Variants in CFAP43 observed in about 807,000 individuals in gnomAD.
CFAP43 encodes the protein cilia and flagella associated protein 43.
Under a neutral mutation model 218.9 loss-of-function variants are expected in CFAP43, and 155 were observed. The ratio of observed to expected loss-of-function variants is 0.71; its 90% CI spans 0.62 to 0.81. The LOEUF (loss-of-function observed/expected upper bound fraction) is 0.81. CFAP43 is among the 30% of genes least tolerant of loss of function. The probability of loss-of-function intolerance (pLI) is 0.00; values close to 1 mark genes in which losing one functional copy is unlikely to be tolerated. For missense variants in CFAP43, 1,778 were observed against 1,954.3 expected (o/e 0.91, Z 1.70); for synonymous variants, 645 against 681.3 (o/e 0.95, Z 0.83).
At position 104,230,611 on chromosome 10, in the gene CFAP43, T is replaced by C. The variant is rs748286733; in HGVS notation, c.298A>G (p.Thr100Ala). 6 of 1,613,986 alleles carry C rather than the reference T, an allele frequency of 3.7e-6. No homozygotes were observed. Among genetic ancestry groups the C allele is most frequent in the Non-Finnish European group, 4.2e-6 (5 of 1,180,016 alleles). Residue 100 changes from threonine (T) to alanine (A), a missense_variant, in exon 2 of 38, where the codon ACC becomes GCC. This residue lies in a region of CFAP43 where 1,553 missense variants were observed against 1,685.2 expected (regional missense o/e 0.92). Transcript: ENST00000357060. ...ATACCTTTCAATTTGGTCCTTCTGG[T>C]CAATCCTGGAAAGCTGTATACGTAG... ...LIYVYSFPGL[T>A]RRTKLKGNIL...
At chr10:104,182,216 A>T (rs2089869443) in intron 17 of CFAP43, 150 bp downstream of exon 17, 5 of 781,220 alleles carry the variant, frequency 6.4e-6, no homozygotes, top group Non-Finnish European at 9.5e-6. Flanking sequence ...TTTCTCTCAG[A>T]CGTAGCTTAT....
rs139630636 is a variant in CFAP43 at position 104,162,002 on chromosome 10, C to T, written c.3373G>A (p.Gly1125Arg). 3.1e-6 allele frequency: 5 copies of T among 1,613,820 alleles called. No individual in the cohort carries two copies. The highest frequency in any genetic ancestry group is 2.7e-5 in the African/African-American group (2 of 75,026). Residue 1125 changes from glycine to arginine, a missense_variant, in exon 26 of 38, where the codon GGA becomes AGA. Gly to Arg is a moderately radical substitution (Grantham distance 125). This residue lies in a region of CFAP43 where 1,553 missense variants were observed against 1,685.2 expected (regional missense o/e 0.92). Coordinates refer to ENST00000357060, the MANE Select transcript of CFAP43 (RefSeq NM_025145.7). ...TRLRALMDMM[G>R]GVLEVKKEDI... ...TCCTTCTTGACTTCCAGAACTCCTCCCATCATGTCCATCAGAGCTCGGAGT... is the reference window on the plus strand; with the variant it reads ...TCCTTCTTGACTTCCAGAACTCCTCTCATCATGTCCATCAGAGCTCGGAGT...
At chr10:104,169,170 C>T (rs566694369) in intron 20 of CFAP43, among the ~76,000 whole-genome samples, 3 of 152,260 alleles carry the variant, frequency 2.0e-5, no homozygotes, top group South Asian at 2.1e-4. Flanking sequence ...TGGTGAGCTG[C>T]GTAGCTAATG....
intron 10 of CFAP43, among the ~76,000 whole-genome samples, chr10:104,194,932 A>G (rs1160255190): frequency 2.0e-5 from 3 of 152,192 alleles, no homozygotes; most frequent in African/African-American, 4.8e-5. Flanking sequence ...CAGTCTCCCA[A>G]TTGAGTGGGC....
chr10:104,216,519 G>A (rs1307504923), intron 3 of CFAP43, among the ~76,000 whole-genome samples: 2 of 152,174 alleles, frequency 1.3e-5, no homozygotes, highest in African/African-American at 4.8e-5. Flanking sequence ...CTTCACTGGG[G>A]CTTCACTGGG....
intron 32 of CFAP43, 57 bp downstream of exon 32, chr10:104,143,369 A>G (rs2087797315): frequency 6.8e-7 from 1 of 1,466,750 alleles, no homozygotes; most frequent in Admixed American, 1.9e-5. Flanking sequence ...GACCAATGTA[A>G]ACTATGTATT....
chr10:104,132,059 T>C (rs1265092843), intron 36 of CFAP43, 57 bp downstream of exon 36: 4 of 1,328,634 alleles, frequency 3.0e-6, no homozygotes, highest in Non-Finnish European at 4.2e-6. Context: ...ACACTATTAC[T>C]TTGCTCAAAT....
chr10:104,208,556 T>C (rs1295723707), intron 5 of CFAP43, among the ~76,000 whole-genome samples: 1 of 152,122 alleles, frequency 6.6e-6, no homozygotes, highest in Non-Finnish European at 1.5e-5. Flanking sequence ...GAAACAATAG[T>C]TTATAATTCT....
intron 34 of CFAP43, among the ~76,000 whole-genome samples, chr10:104,139,676 T>C (rs763333226): frequency 1.3e-5 from 2 of 152,066 alleles, no homozygotes; most frequent in Non-Finnish European, 2.9e-5. Context: ...CTTTTTCAGA[T>C]AAAGAAAAAT....
chr10:104,226,939 A>G (rs1337673145), intron 2 of CFAP43, among the ~76,000 whole-genome samples: 2 of 151,916 alleles, frequency 1.3e-5, no homozygotes, highest in African/African-American at 4.8e-5. Context: ...AATCGCTTGA[A>G]CCTGGGAGGC....
intron 27 of CFAP43, among the ~76,000 whole-genome samples, chr10:104,155,484 G>A (rs1470196736): frequency 2.6e-5 from 4 of 152,066 alleles, no homozygotes; most frequent in South Asian, 2.1e-4. Context: ...ATTATCTTGC[G>A]AATGCACAGT....
intron 2 of CFAP43, among the ~76,000 whole-genome samples, chr10:104,227,565 T>A (rs1352402706): frequency 2.6e-5 from 4 of 152,242 alleles, no homozygotes; most frequent in Admixed American, 6.5e-5. Context: ...TGGAGTTTAG[T>A]GATTTGTCTG....
intron 19 of CFAP43, among the ~76,000 whole-genome samples, chr10:104,175,042 G>A (rs1303962260): frequency 2.0e-5 from 3 of 151,206 alleles, no homozygotes; most frequent in Admixed American, 6.6e-5. Flanking sequence ...GCGACAGAGC[G>A]AGAGCGAGAC....
At position 104,212,080 on chromosome 10, in the gene CFAP43, T is replaced by A. The variant is rs2090879993; in HGVS notation, c.662A>T (p.Asp221Val). The A allele has an allele frequency of 6.2e-7, 1 of 1,613,812 alleles. No homozygotes were observed. Among genetic ancestry groups the A allele is most frequent in the South Asian group, 1.1e-5 (1 of 91,026 alleles). Residue 221 changes from aspartate (D) to valine (V), a missense_variant, in exon 5 of 38, where the codon GAT (aspartate) becomes GTT (valine). Coordinates refer to ENST00000357060, the MANE Select transcript of CFAP43 (RefSeq NM_025145.7). Reference protein sequence around the residue: ...DVVFPQSLPKDLIYGPVLPLS... With the variant: ...DVVFPQSLPKVLIYGPVLPLS... ...TGGCAGCACGGGACCATAGATGAGA[T>A]CTTTCGGCAACGACTGGGGGAAAAC... is the stretch of plus-strand genomic sequence containing the variant.
chr10:104,179,174 AG>A, intron 18 of CFAP43, 68 bp from the exon 19 acceptor site: 4 of 1,366,028 alleles, frequency 2.9e-6, no homozygotes, highest in East Asian at 2.3e-5. Context: ...AGAGAGAGAG[AG>A]AGAGAGCAAT....
At position 104,186,069 on chromosome 10, in the gene CFAP43, A is replaced by T; in HGVS notation, c.1915T>A (p.Tyr639Asn). 5 of 1,590,674 alleles carry T rather than the reference A, an allele frequency of 3.1e-6. No homozygotes were observed. The highest frequency in any genetic ancestry group is 4.3e-6 in the Non-Finnish European group (5 of 1,173,060). ...KPYKKVQSRQ[Y>N]GPGLLYLSSH... The stretch of plus-strand genomic sequence containing the variant: ...GACAGATAGAGCAGTCCAGGTCCAT[A>T]CTGTCTGCTTTGTACTTTTTTGTAT... Residue 639 changes from tyrosine (Y) to asparagine (N), a missense_variant, in exon 15 of 38, where the codon TAT becomes AAT. Physicochemically the swap from Tyr to Asn is moderately radical, Grantham distance 143 (BLOSUM62 -2). Coordinates refer to ENST00000357060, the MANE Select transcript of CFAP43 (RefSeq NM_025145.7).
At chr10:104,142,182 G>C in intron 33 of CFAP43, 99 bp downstream of exon 33, 1 of 946,174 alleles carries the variant, frequency 1.1e-6, no homozygotes, top group Non-Finnish European at 1.6e-6. Flanking sequence ...GGAGATGGCT[G>C]TAAAGCAGTC....
At position 104,203,731 on chromosome 10, in the gene CFAP43, G is replaced by A. The variant is rs771909664; in HGVS notation, c.1036C>T (p.Pro346Ser). The change falls in exon 8 of 38, where the codon CCT becomes TCT. Residue 346 changes from proline (P) to serine (S), a missense_variant. Pro to Ser is a moderately conservative substitution (Grantham distance 74, BLOSUM62 -1). This residue lies in a region of CFAP43 where 1,553 missense variants were observed against 1,685.2 expected (regional missense o/e 0.92). Coordinates refer to ENST00000357060, the MANE Select transcript of CFAP43 (RefSeq NM_025145.7). Reference sequence around the variant, plus strand: ...GGAGAAAATGTCATATGTTCTACAGGTCTTTCAATCTCAAGAAAATCCTCG... The same window carrying A: ...GGAGAAAATGTCATATGTTCTACAGATCTTTCAATCTCAAGAAAATCCTCG... ...MIEDFLEIER[P>S]VEHMTFSPNY... 9 of 1,610,820 alleles carry A rather than the reference G, an allele frequency of 5.6e-6. No individual in the cohort carries two copies. The East Asian group carries it at 1.6e-4, about 28-fold the overall frequency.
rs2089166320 is a variant in CFAP43 at position 104,166,590 on chromosome 10, A to G, written c.2937T>C (p.Leu979=). 6.2e-7 allele frequency: 1 copy of G among 1,614,150 alleles called. No homozygotes were observed. Among genetic ancestry groups the G allele is most frequent in the African/African-American group, 1.3e-5 (1 of 75,046 alleles). The part of the protein sequence containing the change: ...VKYSNLPNYL[L]GSLSTDFGVD... ...CCCCAAAATCAGTACTCAGACTACC[A>G]AGCAGGTAATTGGGCAAATTGCTAT... Residue 979 remains leucine (L), a synonymous_variant, in exon 23 of 38, where the codon CTT becomes CTC. Coordinates refer to ENST00000357060, the MANE Select transcript of CFAP43 (RefSeq NM_025145.7).
Sources: gnomAD v4.1 joint callset for allele counts (sites outside exome capture counted in the v4.1 genomes callset) on GRCh38, gnomAD v4.1.1 for gene constraint, gnomAD v4.1.1 regional missense constraint, MANE v1.5 for transcripts, NCBI Gene and HGNC (gene_info 2026-07-23, HGNC 2026-07-21) for gene names.